Variants in CHDH observed in about 807,000 individuals in gnomAD.
The protein encoded by CHDH is choline dehydrogenase, mitochondrial.
Under a neutral mutation model 56.9 loss-of-function variants are expected in CHDH, and 43 were observed. That is an observed-to-expected ratio of 0.76 (90% CI 0.59 to 0.97). CHDH has a LOEUF of 0.97. Among genes scored for constraint, CHDH ranks in the 50% least tolerant of loss-of-function variants. The probability of loss-of-function intolerance (pLI) is 0.00; values close to 1 mark genes in which losing one functional copy is unlikely to be tolerated. For missense variants in CHDH, 816 were observed against 821.1 expected (o/e 0.99, Z 0.08); for synonymous variants, 364 against 348.5 (o/e 1.04, Z -0.50).
At chr3:53,831,007 C>T (rs574753849) in intron 2 of CHDH, among the ~76,000 whole-genome samples, 6 of 152,278 alleles carry the variant, frequency 3.9e-5, no homozygotes, top group African/African-American at 7.2e-5. Context: ...GTGGCCTTTC[C>T]GGACCAACCC....
rs2095634028 is a variant in CHDH at position 53,823,945 on chromosome 3, G to A, written c.64C>T (p.Gln22Ter). 1 of 1,534,910 alleles carries A rather than the reference G, an allele frequency of 6.5e-7. No homozygotes were observed. The change falls in exon 3 of 9, where the codon CAG (glutamine) becomes TAG (stop). Residue 22 changes from glutamine to a stop codon, truncating the protein, a stop_gained. Coordinates refer to ENST00000315251, the MANE Select transcript of CHDH (RefSeq NM_018397.5). LOFTEE classifies it high-confidence loss of function. ...GALARGALGQ[Q>*]QSLGARALAS... ...AGGGCCCGGGCACCCAGGGATTGCT[G>A]CTGCCCCAGGGCTCCCCGTGCCAGG...
rs2095614206 is a variant in CHDH at position 53,815,476 on chromosome 3, T to G, written c.*2301A>C. 6.6e-6 allele frequency: 1 copy of G among 152,234 alleles called. No homozygotes were observed. Among genetic ancestry groups the G allele is most frequent in the African/African-American group, 2.4e-5 (1 of 41,444 alleles). The allele number at this position is 152,234 out of a possible 1,614,324, so 9.4% of individuals were successfully genotyped here. On this transcript the variant is annotated 3_prime_UTR_variant, in exon 9 of 9. Transcript: ENST00000315251. ...CTGGACATGTGACACTTACCATCTT[T>G]TCTTTTAAACCTCATTCCTGTTTAT... is the stretch of plus-strand genomic sequence containing the variant.
chr3:53,818,206 G>C lies in CHDH; in HGVS notation c.1367-11C>G. 1 of 1,586,554 alleles carries C rather than the reference G, an allele frequency of 6.3e-7. No individual in the cohort carries two copies. Among genetic ancestry groups the C allele is most frequent in the South Asian group, 1.2e-5 (1 of 84,872 alleles). On this transcript the variant is annotated splice_polypyrimidine_tract_variant and intron_variant, in intron 8 of 8. Coordinates refer to ENST00000315251, the MANE Select transcript of CHDH (RefSeq NM_018397.5). ...CCTCAATATCAGTTTCTGTCGAGGA[G>C]AAGAAACAGGTGAGGACCCCTCCTT...
In CHDH at chr3:53,817,603, G is replaced by A. The variant is rs1406323410; in HGVS notation, c.*174C>T. 2 of 605,062 alleles carry A rather than the reference G, an allele frequency of 3.3e-6. No homozygotes were observed. The highest frequency in any genetic ancestry group is 5.7e-6 in the Non-Finnish European group (2 of 348,210). The allele number at this position is 605,062 out of a possible 1,614,324, so 37.5% of individuals were successfully genotyped here. On this transcript the variant is annotated 3_prime_UTR_variant, in exon 9 of 9. Coordinates refer to ENST00000315251, the MANE Select transcript of CHDH (RefSeq NM_018397.5). ...CTGGGGAAAAGGAGCTGGATTCACT[G>A]CCCAGTACTTGTCTCATTTCCCAAG...
intron 2 of CHDH, among the ~76,000 whole-genome samples, chr3:53,832,447 G>A (rs1181951987): frequency 6.6e-6 from 1 of 152,066 alleles, no homozygotes; most frequent in Non-Finnish European, 1.5e-5. Context: ...CAGGAGAATG[G>A]TGTGAACCCA....
intron 2 of CHDH, among the ~76,000 whole-genome samples, chr3:53,824,270 C>T (rs1309409638): frequency 6.6e-6 from 1 of 152,246 alleles, no homozygotes; most frequent in Non-Finnish European, 1.5e-5. Context: ...GGGGATGGGG[C>T]AGCAGAAAGG....
chr3:53,828,224 T>C (rs963379062), intron 2 of CHDH, among the ~76,000 whole-genome samples: 1 of 149,484 alleles, frequency 6.7e-6, no homozygotes, highest in African/African-American at 2.5e-5. Context: ...AAAGACCTTA[T>C]ACCCTGCACA....
At chr3:53,828,131 G>A (rs1279387876) in intron 2 of CHDH, among the ~76,000 whole-genome samples, 2 of 150,166 alleles carry the variant, frequency 1.3e-5, no homozygotes, top group African/African-American at 4.9e-5. Context: ...GAGCAAGAAA[G>A]TCTTTTCAAC....
At chr3:53,827,573 G>A (rs2095641266) in intron 2 of CHDH, among the ~76,000 whole-genome samples, 1 of 151,954 alleles carries the variant, frequency 6.6e-6, no homozygotes, top group Admixed American at 6.6e-5. Context: ...AGGTATGATT[G>A]AGCCACTGCA....
rs549627944 is a variant in CHDH, at chr3:53,813,593, G to C, written c.*4184C>G. On this transcript the variant is annotated 3_prime_UTR_variant, in exon 9 of 9. Coordinates refer to ENST00000315251, the MANE Select transcript of CHDH (RefSeq NM_018397.5). ...CAAAATTGCCAGACCAGGACCCTAA[G>C]TGTCTGATAGAGGCGATGATCTTTT... The C allele has an allele frequency of 5.9e-5, 9 of 152,358 alleles. No homozygotes were observed. The East Asian group carries it at 1.7e-3, about 29-fold the overall frequency. 9.4% of individuals were successfully genotyped at this position (152,358 alleles called of 1,614,324 possible).
Position 53,815,624 on chromosome 3 carries a change from A to G in CHDH, c.*2153T>C, listed in dbSNP as rs981032199. ...CCATATGACGTTTTGCTTATTTTAA[A>G]ATACAGCCACCAGACTGAACCCACC... is the stretch of plus-strand genomic sequence containing the variant. On this transcript the variant is annotated 3_prime_UTR_variant, in exon 9 of 9. Transcript: ENST00000315251. 2 of 152,202 alleles carry G rather than the reference A, an allele frequency of 1.3e-5. No individual in the cohort carries two copies. The highest frequency in any genetic ancestry group is 2.9e-5 in the Non-Finnish European group (2 of 68,040). 9.4% of individuals were successfully genotyped at this position (152,202 alleles called of 1,614,324 possible).
intron 2 of CHDH, among the ~76,000 whole-genome samples, chr3:53,826,423 C>A (rs1050024744): frequency 2.0e-5 from 3 of 151,930 alleles, no homozygotes; most frequent in African/African-American, 7.3e-5. Context: ...GAATTATATA[C>A]CACAACCAAG....
chr3:53,820,410 C>T, intron 6 of CHDH, 64 bp downstream of exon 6: 1 of 1,547,272 alleles, frequency 6.5e-7, no homozygotes, highest in South Asian at 1.3e-5. Flanking sequence ...TGTTCAGCTC[C>T]TCAGGAAGGA....
chr3:53,822,104 ACAAT>A (rs1353952725), intron 4 of CHDH, among the ~76,000 whole-genome samples: 1 of 152,140 alleles, frequency 6.6e-6, no homozygotes, highest in Non-Finnish European at 1.5e-5. Flanking sequence ...AAGCTGCAAA[ACAAT>A]CAGACCCCCT....
intron 5 of CHDH, 93 bp from the exon 6 acceptor site, chr3:53,820,701 C>G (rs2095624637): frequency 1.4e-6 from 2 of 1,471,356 alleles, no homozygotes; most frequent in Non-Finnish European, 1.8e-6. Flanking sequence ...CTTTCCTATT[C>G]CCTTATCTTC....
intron 5 of CHDH, among the ~76,000 whole-genome samples, chr3:53,821,144 C>T (rs1012102223): frequency 6.6e-6 from 1 of 152,238 alleles, no homozygotes; most frequent in African/African-American, 2.4e-5. Flanking sequence ...CTAGCCCTCC[C>T]GGAGTGGGGT....
At chr3:53,841,889 G>T (rs2118422) in intron 1 of CHDH, among the ~76,000 whole-genome samples, 1 of 152,326 alleles carries the variant, frequency 6.6e-6, no homozygotes, top group Non-Finnish European at 1.5e-5. Context: ...GCTCACGCCT[G>T]TAATCCCAGC....
chr3:53,821,403 G>C (rs1006186325), intron 5 of CHDH, among the ~76,000 whole-genome samples: 1 of 151,652 alleles, frequency 6.6e-6, no homozygotes, highest in South Asian at 2.1e-4. Context: ...CTGCTGCAGG[G>C]TGCCCTTCTC....
rs1312889457 is a variant in CHDH, at chr3:53,813,857, A to G, written c.*3920T>C. The G allele has an allele frequency of 6.6e-6, 1 of 152,226 alleles. No individual in the cohort carries two copies. The highest frequency in any genetic ancestry group is 1.5e-5 in the Non-Finnish European group (1 of 68,040). 9.4% of individuals were successfully genotyped at this position (152,226 alleles called of 1,614,324 possible). ...ACACATTTTTGTGTCCACAGGAATAACACATTTAGTTTCTTTAGTCTTATG... is the reference window on the plus strand; with the variant it reads ...ACACATTTTTGTGTCCACAGGAATAGCACATTTAGTTTCTTTAGTCTTATG... On this transcript the variant is annotated 3_prime_UTR_variant, in exon 9 of 9. Coordinates refer to ENST00000315251, the MANE Select transcript of CHDH (RefSeq NM_018397.5).
Sources: allele counts gnomAD v4.1 joint callset (sites outside exome capture counted in the v4.1 genomes callset), GRCh38; gene constraint gnomAD v4.1.1; transcripts MANE v1.5; gene names NCBI Gene and HGNC (gene_info 2026-07-23, HGNC 2026-07-21).